CDH12: variants seen among roughly 807,000 people sequenced by gnomAD.
CDH12 encodes cadherin 12.
In CDH12, 41 loss-of-function variants were observed where a neutral mutation model predicts 74.1. The observed-to-expected ratio is 0.55, with a 90% CI of 0.43 to 0.72. The LOEUF is 0.72. Ranked by LOEUF, CDH12 falls within the 30% of genes least tolerant of loss-of-function variation. The probability of loss-of-function intolerance (pLI) is 0.00; values close to 1 mark genes in which losing one functional copy is unlikely to be tolerated. For missense variants in CDH12, 945 were observed against 977.2 expected (o/e 0.97, Z 0.44); for synonymous variants, 399 against 355.0 (o/e 1.12, Z -1.39).
At chr5:22,264,272 C>T (rs1175707843) in intron 3 of CDH12, among the ~76,000 whole-genome samples, 1 of 151,820 alleles carries the variant, frequency 6.6e-6, no homozygotes, top group Non-Finnish European at 1.5e-5. Context: ...TGTGGGTAAA[C>T]ACACATACAC....
chr5:22,545,212 C>T (rs1464481495), intron 1 of CDH12, among the ~76,000 whole-genome samples: 1 of 152,164 alleles, frequency 6.6e-6, no homozygotes, highest in Non-Finnish European at 1.5e-5. Flanking sequence ...GAGAGGCCAT[C>T]TCCGGTGCCA....
intron 1 of CDH12, among the ~76,000 whole-genome samples, chr5:22,733,036 G>A (rs763367248): frequency 6.6e-6 from 1 of 151,866 alleles, no homozygotes; most frequent in Non-Finnish European, 1.5e-5. Flanking sequence ...TGTGTGATTA[G>A]GTGTATCATG....
intron 5 of CDH12, among the ~76,000 whole-genome samples, chr5:21,999,779 C>G (rs1349741282): frequency 2.6e-5 from 4 of 151,032 alleles, no homozygotes; most frequent in Non-Finnish European, 5.9e-5. Flanking sequence ...TATTTTGTAT[C>G]TCTAGGTGGA....
At chr5:22,215,009 T>C (rs1267358203) in intron 3 of CDH12, among the ~76,000 whole-genome samples, 4 of 152,216 alleles carry the variant, frequency 2.6e-5, no homozygotes, top group African/African-American at 7.2e-5. Context: ...GGGGAGACCG[T>C]AGTCACATGA....
intron 3 of CDH12, among the ~76,000 whole-genome samples, chr5:22,274,834 T>C (rs577267085): frequency 2.0e-5 from 3 of 152,260 alleles, no homozygotes; most frequent in African/African-American, 7.2e-5. Context: ...AAAAGTTATA[T>C]GCATCTTATT....
chr5:22,373,381 C>T (rs1046345364), intron 3 of CDH12, among the ~76,000 whole-genome samples: 1 of 152,180 alleles, frequency 6.6e-6, no homozygotes, highest in African/African-American at 2.4e-5. Flanking sequence ...AATAATATCA[C>T]CCACATCACA....
chr5:22,765,342 G>T (rs1746445362), intron 1 of CDH12, among the ~76,000 whole-genome samples: 1 of 151,914 alleles, frequency 6.6e-6, no homozygotes, highest in Non-Finnish European at 1.5e-5. Context: ...GGGTATGATG[G>T]TTGTAGCAGA....
Position 22,063,988 on chromosome 5 carries a change from T to TACACAC in CDH12, c.231+14452_231+14457dup, listed in dbSNP as rs10552100. ...AAACTGACTCATGCAATTATGGAGA[T>TACACAC]ACACACACACACACACACACACACA... On this transcript the variant is annotated intron_variant, in intron 5 of 14. Transcript: ENST00000382254. Among the ~76,000 whole-genome samples the TACACAC allele has an allele frequency of 1.0e-2, 1,466 of 146,842 alleles. 18 individuals are homozygous for TACACAC. The highest frequency in any genetic ancestry group is 0.035 in the African/African-American group (1,391 of 40,092).
At chr5:22,119,630 C>A (rs1258622610) in intron 4 of CDH12, among the ~76,000 whole-genome samples, 1 of 152,034 alleles carries the variant, frequency 6.6e-6, no homozygotes, top group Non-Finnish European at 1.5e-5. Flanking sequence ...GAAGGGTTGA[C>A]ATTTAAGTAT....
intron 3 of CDH12, among the ~76,000 whole-genome samples, chr5:22,403,477 T>C (rs1742815108): frequency 1.3e-5 from 2 of 152,198 alleles, no homozygotes; most frequent in East Asian, 3.9e-4. Flanking sequence ...AATTGATTCA[T>C]TTAGTTTGTG....
chr5:21,877,242 T>C (rs1751984307), intron 6 of CDH12, among the ~76,000 whole-genome samples: 1 of 152,034 alleles, frequency 6.6e-6, no homozygotes, highest in African/African-American at 2.4e-5. Context: ...GAGTGTTCTT[T>C]TTCATTCAGG....
Position 21,751,981 on chromosome 5 carries a change from C to T in CDH12, c.2141G>A (p.Arg714Lys), listed in dbSNP as rs1436562128. The change falls in exon 15 of 15, where the codon AGG becomes AAG. Residue 714 changes from arginine to lysine, a missense_variant. Arg to Lys is a conservative substitution (Grantham distance 26). This residue lies in a region of CDH12 where 791 missense variants were observed against 792.8 expected (regional missense o/e 1.00). Coordinates refer to ENST00000382254, the MANE Select transcript of CDH12 (RefSeq NM_004061.5). ...RPPMEDNTDIRDFIHQRLQEN... is the reference protein window; with the variant it reads ...RPPMEDNTDIKDFIHQRLQEN... ...CTGTAGCCTTTGATGAATGAAATCC[C>T]TTATGTCTGTGTTATCTTCCATGGG... The T allele has an allele frequency of 6.2e-7, 1 of 1,613,930 alleles. No homozygotes were observed. Among genetic ancestry groups the T allele is most frequent in the African/African-American group, 1.3e-5 (1 of 74,880 alleles).
chr5:21,894,542 C>A (rs1753038341), intron 6 of CDH12, among the ~76,000 whole-genome samples: 1 of 151,900 alleles, frequency 6.6e-6, no homozygotes, highest in Admixed American at 6.6e-5. Context: ...ATAATGTGTA[C>A]TTAAAAAGTG....
chr5:21,910,996 A>G (rs1222976680), intron 6 of CDH12, among the ~76,000 whole-genome samples: 1 of 152,230 alleles, frequency 6.6e-6, no homozygotes, highest in Non-Finnish European at 1.5e-5. Flanking sequence ...AGCCTTGTTA[A>G]GTGAAACTGC....
chr5:22,805,612 T>C (rs987982909), intron 1 of CDH12, among the ~76,000 whole-genome samples: 22 of 152,172 alleles, frequency 1.4e-4, no homozygotes, highest in African/African-American at 5.3e-4. Context: ...TTCATAATAG[T>C]AATCATCAAA....
chr5:22,418,395 G>C (rs1267986570), intron 2 of CDH12, among the ~76,000 whole-genome samples: 1 of 152,158 alleles, frequency 6.6e-6, no homozygotes, highest in Non-Finnish European at 1.5e-5. Flanking sequence ...TCTGCAAACA[G>C]ACACAATTTG....
At chr5:22,791,183 T>C (rs1431011447) in intron 1 of CDH12, among the ~76,000 whole-genome samples, 1 of 152,206 alleles carries the variant, frequency 6.6e-6, no homozygotes, top group African/African-American at 2.4e-5. Flanking sequence ...CTCCGGAAGT[T>C]TGTTTTCTCA....
intron 3 of CDH12, among the ~76,000 whole-genome samples, chr5:22,256,998 A>C (rs1002910216): frequency 2.0e-5 from 3 of 152,206 alleles, no homozygotes; most frequent in Admixed American, 1.3e-4. Flanking sequence ...GCCATAAAAA[A>C]AGAATGAGAT....
chr5:22,430,735 G>T (rs906807633), intron 2 of CDH12, among the ~76,000 whole-genome samples: 2 of 152,122 alleles, frequency 1.3e-5, no homozygotes, highest in African/African-American at 4.8e-5. Flanking sequence ...ATTGGCCAAT[G>T]AAATTGCTTA....
Sources: allele counts gnomAD v4.1 joint callset (sites outside exome capture counted in the v4.1 genomes callset), GRCh38; gene constraint gnomAD v4.1.1; regional missense constraint gnomAD v4.1.1; transcripts MANE v1.5; gene names NCBI Gene and HGNC (gene_info 2026-07-23, HGNC 2026-07-21).